The following MXD3 variants were observed in gnomAD, a reference collection of about 807,000 sequenced individuals.
MXD3 encodes the protein Max-associated protein 3.
MXD3 carries 20 observed loss-of-function variants against 27.5 expected under a neutral mutation model. The ratio of observed to expected loss-of-function variants is 0.73; its 90% CI spans 0.51 to 1.06. The LOEUF is 1.06. Among genes scored for constraint, MXD3 ranks in the 50% least tolerant of loss-of-function variants. MXD3 has a pLI of 0.00. For missense variants in MXD3, 298 were observed against 291.3 expected (o/e 1.02, Z -0.17); for synonymous variants, 150 against 130.7 (o/e 1.15, Z -1.01).
Position 177,310,736 on chromosome 5 carries a change from C to G in MXD3, c.177-39G>C, listed in dbSNP as rs761769742. 3 of 1,612,438 alleles carry G rather than the reference C, an allele frequency of 1.9e-6. No individual in the cohort carries two copies. The Admixed American group carries it at 5.0e-5, about 27-fold the overall frequency. On this transcript the variant is annotated intron_variant, in intron 2 of 5. Coordinates refer to ENST00000439742, the MANE Select transcript of MXD3 (RefSeq NM_031300.4). Reference sequence around the variant, plus strand: ...AGAGGATGAGGTGAAGGGGAATCAGCTACTGCCCATGCCCCAATCCCAGGG... The same window carrying G: ...AGAGGATGAGGTGAAGGGGAATCAGGTACTGCCCATGCCCCAATCCCAGGG...
downstream of MXD3, chr5:177,305,860 C>T: frequency 6.2e-7 from 1 of 1,610,590 alleles, no homozygotes; most frequent in Non-Finnish European, 8.5e-7. Flanking sequence ...TTGTGGTTGG[C>T]CTCTGCATAG....
chr5:177,305,752 G>C, downstream of MXD3: 1 of 820,916 alleles, frequency 1.2e-6, no homozygotes, highest in Non-Finnish European at 2.0e-6. Context: ...GTGCAGTCAG[G>C]GGAAGGAATG....
At chr5:177,306,520 G>A (rs1434318950), downstream of MXD3, 10 of 1,612,350 alleles carry the variant, frequency 6.2e-6, no homozygotes, top group African/African-American at 2.7e-5. Context: ...CAAGGACCTC[G>A]CCAGCAAGGC....
chr5:177,306,715 G>A (rs1176499140), downstream of MXD3: 2 of 1,217,162 alleles, frequency 1.6e-6, no homozygotes, highest in Non-Finnish European at 2.3e-6. Context: ...GGCATCTGCA[G>A]TACACCAAGC....
chr5:177,312,207 C>G (rs1275433425), upstream of MXD3: 3 of 1,010,126 alleles, frequency 3.0e-6, no homozygotes, highest in Admixed American at 5.7e-5. Context: ...GTGCTAGTGA[C>G]TAGCCCCCAA....
At chr5:177,312,348 G>A (rs1761058872), upstream of MXD3, 12 of 985,918 alleles carry the variant, frequency 1.2e-5, no homozygotes, top group Non-Finnish European at 1.4e-5. Context: ...AAGGATCGCT[G>A]TTGTCATCCT....
chr5:177,310,932 AG>A, intron 2 of MXD3: 1 of 599,724 alleles, frequency 1.7e-6, no homozygotes, highest in Non-Finnish European at 3.0e-6. Context: ...GGCCCTAACA[AG>A]GGCGCCTGCC....
chr5:177,306,555 G>A (rs963873066), downstream of MXD3: 11 of 1,609,998 alleles, frequency 6.8e-6, no homozygotes, highest in Non-Finnish European at 8.5e-6. Flanking sequence ...AGCAGCAGCA[G>A]CAACAGTTTG....
At chr5:177,306,631 A>C, downstream of MXD3, 1 of 1,549,954 alleles carries the variant, frequency 6.5e-7, no homozygotes, top group Non-Finnish European at 8.7e-7. Flanking sequence ...CCCTCCCTTC[A>C]TTGTACTTTA....
At chr5:177,311,733 C>T (rs746355113) in intron 1 of MXD3, 28 bp downstream of exon 1, 5 of 1,608,426 alleles carry the variant, frequency 3.1e-6, no homozygotes, top group East Asian at 2.2e-5. Context: ...GGTCGCCGCC[C>T]GGAATTCAGC....
intron 4 of MXD3, among the ~76,000 whole-genome samples, chr5:177,309,313 G>A (rs1760978504): frequency 6.6e-6 from 1 of 152,200 alleles, no homozygotes; most frequent in African/African-American, 2.4e-5. Flanking sequence ...GCCTGGTGGA[G>A]GCAAAACAGG....
At chr5:177,311,323 C>G (rs1168659748) in intron 2 of MXD3, 56 bp downstream of exon 2, 3 of 1,234,620 alleles carry the variant, frequency 2.4e-6, no homozygotes, top group Non-Finnish European at 3.2e-6. Context: ...GAGGAGGGCC[C>G]GACCAGGGGC....
In MXD3 at chr5:177,311,811, T is replaced by C; in HGVS notation, c.20A>G (p.Asn7Ser). Residue 7 changes from asparagine to serine, a missense_variant, in exon 1 of 6, where the codon AAC becomes AGC. Transcript: ENST00000439742. ...GGCCGCCTGCAGCAGGACCTGGATG[T>C]TGCTGGCCAAGGGTTCCATGTCGGC... MEPLAS[N>S]IQVLLQAAEF... is the part of the protein sequence containing the mutation. 1 of 1,612,522 alleles carries C rather than the reference T, an allele frequency of 6.2e-7. No homozygotes were observed. The highest frequency in any genetic ancestry group is 8.5e-7 in the Non-Finnish European group (1 of 1,179,192).
rs767988077 is a variant in MXD3 at position 177,307,633 on chromosome 5, G to A, written c.576C>T (p.Ala192=). The change falls in exon 6 of 6, where the codon GCC becomes GCT. Residue 192 remains alanine, a synonymous_variant. Transcript: ENST00000439742. The part of the protein sequence containing the change: ...GEAELLRGFV[A]GQEHSYSHGG... Reference sequence around the variant, plus strand: ...CGTGCGAGTAGCTGTGCTCCTGGCCGGCGACGAAGCCCCGCAGCAGCTCGG... The same window carrying A: ...CGTGCGAGTAGCTGTGCTCCTGGCCAGCGACGAAGCCCCGCAGCAGCTCGG... 41 of 1,613,284 alleles carry A rather than the reference G, an allele frequency of 2.5e-5. No individual in the cohort carries two copies. Among genetic ancestry groups the A allele is most frequent in the African/African-American group, 9.3e-5 (7 of 75,040 alleles).
intron 2 of MXD3, chr5:177,310,970 G>A (rs1470574532): frequency 2.2e-5 from 13 of 588,842 alleles, no homozygotes; most frequent in Non-Finnish European, 3.6e-5. Flanking sequence ...CCTCCCAGAG[G>A]TGACAGCTAA....
intron 1 of MXD3, 121 bp downstream of exon 1, chr5:177,311,640 G>C (rs1390227297): frequency 8.2e-7 from 1 of 1,212,258 alleles, no homozygotes; most frequent in Non-Finnish European, 1.1e-6. Context: ...TCGAGTTGAG[G>C]GCGAGGCGCC....
intron 4 of MXD3, 122 bp from the exon 5 acceptor site, chr5:177,308,086 C>G: frequency 1.1e-6 from 1 of 951,064 alleles, no homozygotes; most frequent in Middle Eastern, 3.4e-4. Flanking sequence ...CAGGTGGCGA[C>G]TAAATCCAGG....
chr5:177,307,736 G>A, intron 5 of MXD3, 33 bp from the exon 6 acceptor site: 2 of 1,613,328 alleles, frequency 1.2e-6, no homozygotes, highest in South Asian at 2.2e-5. Context: ...AGAAGACCTG[G>A]CTCGCCCCGA....
rs1286402410 is a variant in MXD3, at chr5:177,307,848, C to G, written c.438G>C (p.Arg146=). Residue 146 remains arginine, a synonymous_variant, in exon 5 of 6, where the codon CGG becomes CGC. Transcript: ENST00000439742. ...CCAGACTGTCCGCCCGCAGCCGCTC[C>G]CGCTCGGCCGCCCCTGCCAGCCCCC... ...QLRGLAGAAE[R]ERLRADSLDS... 1.2e-6 allele frequency: 2 copies of G among 1,610,428 alleles called. No individual in the cohort carries two copies. Among genetic ancestry groups the G allele is most frequent in the Non-Finnish European group, 1.7e-6 (2 of 1,179,036 alleles).
Sources: allele counts gnomAD v4.1 joint callset (sites outside exome capture counted in the v4.1 genomes callset), GRCh38; gene constraint gnomAD v4.1.1; transcripts MANE v1.5; gene names NCBI Gene and HGNC (gene_info 2026-07-23, HGNC 2026-07-21).